Variants in FCHO2 observed in about 807,000 individuals in gnomAD.
FCHO2 encodes F-BAR domain only protein 2.
Under a neutral mutation model 114.1 loss-of-function variants are expected in FCHO2, and 43 were observed. The ratio of observed to expected loss-of-function variants is 0.38; its 90% CI spans 0.30 to 0.49. FCHO2 has a LOEUF of 0.49. Ranked by LOEUF, FCHO2 falls within the 20% of genes least tolerant of loss-of-function variation. The pLI is 0.97. For missense variants in FCHO2, 807 were observed against 950.4 expected (o/e 0.85, Z 1.98); for synonymous variants, 293 against 315.2 (o/e 0.93, Z 0.75).
chr5:73,008,221 T>C (rs1754820294), intron 6 of FCHO2, among the ~76,000 whole-genome samples: 1 of 152,176 alleles, frequency 6.6e-6, no homozygotes, highest in South Asian at 2.1e-4. Context: ...GGATGTGACA[T>C]GATCTGATCT....
At chr5:72,984,811 T>C (rs1027695180) in intron 2 of FCHO2, among the ~76,000 whole-genome samples, 2 of 152,136 alleles carry the variant, frequency 1.3e-5, no homozygotes, top group African/African-American at 2.4e-5. Flanking sequence ...TTTTGTATTT[T>C]TTTTTGTAGA....
At chr5:72,965,402 A>G (rs2112593833) in intron 1 of FCHO2, among the ~76,000 whole-genome samples, 2 of 152,336 alleles carry the variant, frequency 1.3e-5, no homozygotes, top group East Asian at 3.9e-4. Context: ...CTTTATTGCT[A>G]ATGCTAACAG....
chr5:72,968,894 A>G (rs1421111983), intron 2 of FCHO2, among the ~76,000 whole-genome samples: 1 of 152,204 alleles, frequency 6.6e-6, no homozygotes, highest in Admixed American at 6.5e-5. Context: ...TGTAGGATAA[A>G]ACATTAACAT....
intron 13 of FCHO2, among the ~76,000 whole-genome samples, chr5:73,053,196 C>T (rs867799730): frequency 2.0e-5 from 3 of 152,118 alleles, no homozygotes; most frequent in Middle Eastern, 6.8e-3. Flanking sequence ...AGGTTCTCAC[C>T]GTTTCATATT....
intron 19 of FCHO2, among the ~76,000 whole-genome samples, chr5:73,071,876 A>C (rs924582994): frequency 7.2e-5 from 11 of 152,072 alleles, no homozygotes; most frequent in African/African-American, 2.4e-4. Context: ...AGCTAGGCAT[A>C]ATAATTTACA....
chr5:72,975,246 C>T (rs373617509), intron 2 of FCHO2, among the ~76,000 whole-genome samples: 8 of 152,088 alleles, frequency 5.3e-5, no homozygotes, highest in African/African-American at 1.9e-4. Context: ...TAGCACAAAG[C>T]CTGGAACAAT....
intron 8 of FCHO2, 136 bp from the exon 9 acceptor site, chr5:73,034,521 G>C (rs986576356): frequency 5.7e-5 from 35 of 609,250 alleles, no homozygotes; most frequent in Admixed American, 1.7e-4. Context: ...GTAACAACTA[G>C]AACCATTTCA....
intron 1 of FCHO2, among the ~76,000 whole-genome samples, chr5:72,965,693 GA>G (rs1308765481): frequency 2.0e-5 from 3 of 151,938 alleles, no homozygotes; most frequent in Non-Finnish European, 4.4e-5. Flanking sequence ...GTTCTTCAAA[GA>G]AAAAAATCTT....
chr5:73,001,818 G>A (rs973056119), intron 5 of FCHO2, among the ~76,000 whole-genome samples: 37 of 151,662 alleles, frequency 2.4e-4, no homozygotes, highest in African/African-American at 9.0e-4. Flanking sequence ...ATGTGCCTAT[G>A]GTCCTAGGTA....
chr5:72,956,122 A>T lies in FCHO2; in HGVS notation c.26A>T (p.Asn9Ile). 1 of 1,540,804 alleles carries T rather than the reference A, an allele frequency of 6.5e-7. No individual in the cohort carries two copies. The highest frequency in any genetic ancestry group is 1.2e-5 in the South Asian group (1 of 82,718). MVMAYFVE[N>I]FWGEKNSGFD... ...ATGGTCATGGCGTATTTCGTCGAGA[A>T]TTTTTGGGTAAGCTTAGGATGTTGG... Residue 9 changes from asparagine (N) to isoleucine (I), a missense_variant, in exon 1 of 26, where the codon AAT (asparagine) becomes ATT (isoleucine). By Grantham distance (149) the Asn-to-Ile change is moderately radical. Coordinates refer to ENST00000430046, the MANE Select transcript of FCHO2 (RefSeq NM_138782.3).
At chr5:73,061,183 G>A (rs987158469) in intron 17 of FCHO2, among the ~76,000 whole-genome samples, 15 of 152,040 alleles carry the variant, frequency 9.9e-5, no homozygotes, top group Admixed American at 9.2e-4. Context: ...CCACCTTGTC[G>A]AATCTTTTTA....
At chr5:73,020,834 G>A (rs1302543021) in intron 8 of FCHO2, 13 of 917,754 alleles carry the variant, frequency 1.4e-5, no homozygotes, top group Non-Finnish European at 2.4e-5. Flanking sequence ...CTGCCGAGCT[G>A]CTCATCTGAG....
At chr5:73,037,026 C>G in intron 9 of FCHO2, 117 bp from the exon 10 acceptor site, 2 of 551,188 alleles carry the variant, frequency 3.6e-6, no homozygotes, top group East Asian at 6.8e-5. Flanking sequence ...CTGTCATCCA[C>G]ATTTAGCATC....
chr5:73,037,794 T>G (rs974372494), intron 10 of FCHO2: 4 of 344,056 alleles, frequency 1.2e-5, no homozygotes, highest in African/African-American at 9.1e-5. Flanking sequence ...TTCACTGTTG[T>G]TGCCCAGGTT....
rs529351085 is a variant in FCHO2 at position 73,020,694 on chromosome 5, C to T, written c.796+3386C>T. ...CCGCAAGGAACAGTTTGGTCTCTGT[C>T]CTTTAGTGAAGAAATTGGATGCTCA... is the stretch of plus-strand genomic sequence containing the variant. On this transcript the variant is annotated intron_variant, in intron 8 of 25. Transcript: ENST00000430046. 851 of 1,200,026 alleles carry T rather than the reference C, an allele frequency of 7.1e-4. 1 individual carries two copies. The highest frequency in any genetic ancestry group is 4.7e-3 in the Middle Eastern group (17 of 3,638). 74.3% of individuals were successfully genotyped at this position (1,200,026 alleles called of 1,614,324 possible). A position where few individuals can be genotyped will look rare whatever the true frequency, so the allele number is the denominator to read the frequency against.
chr5:72,971,957 A>G (rs1307731687), intron 2 of FCHO2, among the ~76,000 whole-genome samples: 1 of 151,410 alleles, frequency 6.6e-6, no homozygotes, highest in Admixed American at 6.6e-5. Context: ...TTAAATAGGG[A>G]ATCCTTTCCC....
At chr5:73,033,829 G>A (rs536644850) in intron 8 of FCHO2, among the ~76,000 whole-genome samples, 1 of 152,224 alleles carries the variant, frequency 6.6e-6, no homozygotes, top group African/African-American at 2.4e-5. Context: ...CATATATGAA[G>A]TATGCCATAT....
Position 73,060,472 on chromosome 5 carries a change from G to A in FCHO2, c.1345+1948G>A, listed in dbSNP as rs565606027. On this transcript the variant is annotated intron_variant, in intron 17 of 25. Coordinates refer to ENST00000430046, the MANE Select transcript of FCHO2 (RefSeq NM_138782.3). ...CAGAACTGGCCCTAAGTGAAGTTAC[G>A]AAATAGGCATTTTATCTTAAATTTT... 1.8e-4 allele frequency among the ~76,000 whole-genome samples: 28 copies of A among 152,152 alleles called. No homozygotes were observed. The South Asian group carries it at 4.8e-3, about 26-fold the overall frequency.
intron 1 of FCHO2, among the ~76,000 whole-genome samples, chr5:72,956,366 G>T (rs1751538304): frequency 6.6e-6 from 1 of 151,604 alleles, no homozygotes; most frequent in Non-Finnish European, 1.5e-5. Context: ...CCCGCAGCGG[G>T]GCCGCCGGCC....
Sources: gnomAD v4.1 joint callset for allele counts (sites outside exome capture counted in the v4.1 genomes callset) on GRCh38, gnomAD v4.1.1 for gene constraint, MANE v1.5 for transcripts, NCBI Gene and HGNC (gene_info 2026-07-23, HGNC 2026-07-21) for gene names.